CPNE8: variants seen among roughly 807,000 people sequenced by gnomAD.
The protein encoded by CPNE8 is copine 8.
In CPNE8, 45 loss-of-function variants were observed where a neutral mutation model predicts 81.5. The ratio of observed to expected loss-of-function variants is 0.55; its 90% CI spans 0.44 to 0.71. CPNE8 has a LOEUF of 0.71. Ranked by LOEUF, CPNE8 falls within the 30% of genes least tolerant of loss-of-function variation. CPNE8 has a pLI of 0.00. For missense variants in CPNE8, 594 were observed against 672.1 expected (o/e 0.88, Z 1.28); for synonymous variants, 252 against 226.3 (o/e 1.11, Z -1.02).
intron 1 of CPNE8, among the ~76,000 whole-genome samples, chr12:38,876,446 C>G (rs1944067361): frequency 6.6e-6 from 1 of 152,170 alleles, no homozygotes; most frequent in Non-Finnish European, 1.5e-5. Context: ...CTCCCGACCT[C>G]AGGTGATCCA....
chr12:38,819,934 C>T (rs1283504457), intron 6 of CPNE8, among the ~76,000 whole-genome samples: 11 of 151,936 alleles, frequency 7.2e-5, no homozygotes, highest in Admixed American at 3.3e-4. Flanking sequence ...AACTACAGAA[C>T]TAATATTCTT....
chr12:38,870,216 G>A (rs1943970284), intron 3 of CPNE8, among the ~76,000 whole-genome samples: 2 of 152,170 alleles, frequency 1.3e-5, no homozygotes, highest in Non-Finnish European at 1.5e-5. Context: ...AAACCATTGT[G>A]GAAGACAGTG....
At chr12:38,862,471 AC>A (rs1409820962) in intron 3 of CPNE8, among the ~76,000 whole-genome samples, 7 of 152,168 alleles carry the variant, frequency 4.6e-5, no homozygotes, top group African/African-American at 1.7e-4. Flanking sequence ...CTATATTTGC[AC>A]CTTTTCTGTA....
intron 6 of CPNE8, among the ~76,000 whole-genome samples, chr12:38,784,062 G>A (rs1207906457): frequency 2.0e-5 from 3 of 152,182 alleles, no homozygotes; most frequent in Non-Finnish European, 2.9e-5. Flanking sequence ...AGAGATATGT[G>A]AGCATACAGA....
chr12:38,859,174 G>A (rs1943790967), intron 3 of CPNE8, among the ~76,000 whole-genome samples: 1 of 150,232 alleles, frequency 6.7e-6, no homozygotes. Context: ...ATTTGCAAAT[G>A]AACTTATAGG....
chr12:38,838,042 A>C (rs1036579682), intron 5 of CPNE8, among the ~76,000 whole-genome samples: 3 of 152,104 alleles, frequency 2.0e-5, no homozygotes, highest in Non-Finnish European at 1.5e-5. Context: ...TTCCTATCCC[A>C]TACACTTCTC....
Position 38,765,173 on chromosome 12 carries a change from T to A in CPNE8, c.575+2462A>T, listed in dbSNP as rs188642540. On this transcript the variant is annotated intron_variant, in intron 8 of 19. Coordinates refer to ENST00000331366, the MANE Select transcript of CPNE8 (RefSeq NM_153634.3). ...TAGATATCATATATATAGGAAAACC[T>A]CACTGGTAAGAATTCCAGTGCTGGT... 1.6e-3 allele frequency among the ~76,000 whole-genome samples: 246 copies of A among 152,304 alleles called. 2 individuals are homozygous for A. Among genetic ancestry groups the A allele is most frequent in the Non-Finnish European group, 9.3e-4 (63 of 68,028 alleles).
intron 7 of CPNE8, among the ~76,000 whole-genome samples, chr12:38,774,431 T>C (rs7973992): frequency 0.29 from 43,845 of 152,052 alleles, 8,202 homozygotes; most frequent in Non-Finnish European, 0.41. Context: ...GATGATTAGA[T>C]GATAATATAA....
chr12:38,890,100 A>G (rs781424395), intron 1 of CPNE8, among the ~76,000 whole-genome samples: 2 of 152,256 alleles, frequency 1.3e-5, no homozygotes, highest in Admixed American at 6.5e-5. Flanking sequence ...GAAATTGTTC[A>G]TCAATCATCA....
intron 10 of CPNE8, among the ~76,000 whole-genome samples, chr12:38,760,450 T>TATATATATAC (rs1941550047): frequency 7.1e-6 from 1 of 139,954 alleles, no homozygotes; most frequent in Non-Finnish European, 1.5e-5. Flanking sequence ...TATATATATA[T>TATATATATAC]ATGTGTGTGT....
chr12:38,888,720 A>G (rs144475320), intron 1 of CPNE8, among the ~76,000 whole-genome samples: 33 of 152,300 alleles, frequency 2.2e-4, no homozygotes, highest in Non-Finnish European at 4.1e-4. Context: ...CAACAATGGA[A>G]ACAAAATCTC....
At chr12:38,691,864 G>C (rs1424106637) in intron 15 of CPNE8, among the ~76,000 whole-genome samples, 1 of 152,302 alleles carries the variant, frequency 6.6e-6, no homozygotes, top group East Asian at 1.9e-4. Flanking sequence ...CATTCATGAG[G>C]GTGGAGCCCT....
At chr12:38,749,822 C>G (rs1027379152) in intron 10 of CPNE8, among the ~76,000 whole-genome samples, 6 of 152,036 alleles carry the variant, frequency 3.9e-5, no homozygotes, top group African/African-American at 1.5e-4. Context: ...AAATTTGCAG[C>G]CTGACAATGT....
At chr12:38,798,388 C>T (rs1181263973) in intron 6 of CPNE8, among the ~76,000 whole-genome samples, 2 of 152,084 alleles carry the variant, frequency 1.3e-5, no homozygotes, top group Non-Finnish European at 2.9e-5. Context: ...CAGTGGGGGC[C>T]AATATTCAAC....
chr12:38,764,608 CTCCGTCTCAA>C, intron 8 of CPNE8, among the ~76,000 whole-genome samples: 1 of 114,706 alleles, frequency 8.7e-6, no homozygotes, highest in Non-Finnish European at 1.7e-5. Flanking sequence ...CAGAGCGAGA[CTCCGTCTCAA>C]AAAAAAAAAA....
intron 16 of CPNE8, among the ~76,000 whole-genome samples, 167 bp from the exon 17 acceptor site, chr12:38,677,721 A>G (rs566363614): frequency 6.6e-6 from 1 of 152,150 alleles, no homozygotes; most frequent in Non-Finnish European, 1.5e-5. Context: ...CTGAAATAAC[A>G]CACTAGAACA....
chr12:38,841,225 C>A (rs1385929731), intron 4 of CPNE8, among the ~76,000 whole-genome samples: 1 of 152,144 alleles, frequency 6.6e-6, no homozygotes, highest in Admixed American at 6.5e-5. Context: ...AGGGTCTTTT[C>A]TAATCAGGCA....
chr12:38,752,594 C>G (rs1191016832), intron 10 of CPNE8, among the ~76,000 whole-genome samples: 1 of 152,118 alleles, frequency 6.6e-6, no homozygotes, highest in Admixed American at 6.5e-5. Flanking sequence ...AACCTCACAA[C>G]AGAATAAAAC....
intron 3 of CPNE8, among the ~76,000 whole-genome samples, chr12:38,851,895 C>T (rs1056621582): frequency 6.6e-6 from 1 of 152,102 alleles, no homozygotes; most frequent in African/African-American, 2.4e-5. Context: ...TCTTGTAGGC[C>T]CTTTTACACA....
Sources: allele counts gnomAD v4.1 joint callset (sites outside exome capture counted in the v4.1 genomes callset), GRCh38; gene constraint gnomAD v4.1.1; transcripts MANE v1.5; gene names NCBI Gene and HGNC (gene_info 2026-07-23, HGNC 2026-07-21).